CAMKMT: variants seen among roughly 807,000 people sequenced by gnomAD.
The protein encoded by CAMKMT is calmodulin-lysine N-methyltransferase.
CAMKMT carries 53 observed loss-of-function variants against 48.0 expected under a neutral mutation model. The ratio of observed to expected loss-of-function variants is 1.10; its 90% confidence interval spans 0.89 to 1.39. The LOEUF (loss-of-function observed/expected upper bound fraction) is 1.39. Among genes scored for constraint, CAMKMT ranks in the 40% most tolerant of loss-of-function variants. CAMKMT has a pLI of 0.00. For missense variants in CAMKMT, 428 were observed against 402.7 expected (o/e 1.06, Z -0.54); for synonymous variants, 165 against 152.3 (o/e 1.08, Z -0.61).
intron 7 of CAMKMT, among the ~76,000 whole-genome samples, chr2:44,739,133 A>G (rs754807191): frequency 2.6e-5 from 4 of 152,226 alleles, no homozygotes; most frequent in Non-Finnish European, 4.4e-5. Context: ...CTGAGTGAAG[A>G]GAGAAAAGGC....
At chr2:44,528,404 A>G (rs1572722427) in intron 3 of CAMKMT, among the ~76,000 whole-genome samples, 1 of 152,146 alleles carries the variant, frequency 6.6e-6, no homozygotes, top group South Asian at 2.1e-4. Flanking sequence ...CACTTGGCCA[A>G]TCTCTTTTCA....
chr2:44,429,220 G>A (rs1684478596), intron 3 of CAMKMT, among the ~76,000 whole-genome samples: 1 of 151,684 alleles, frequency 6.6e-6, no homozygotes, highest in Non-Finnish European at 1.5e-5. Context: ...AAGCAATGTG[G>A]AATGTGTTTG....
At chr2:44,485,434 T>C (rs1266355504) in intron 3 of CAMKMT, among the ~76,000 whole-genome samples, 3 of 152,200 alleles carry the variant, frequency 2.0e-5, no homozygotes, top group Admixed American at 6.5e-5. Context: ...GAGCAAAAGA[T>C]GACAGACTCA....
At chr2:44,458,649 G>C (rs748208584) in intron 3 of CAMKMT, among the ~76,000 whole-genome samples, 1 of 152,170 alleles carries the variant, frequency 6.6e-6, no homozygotes, top group Non-Finnish European at 1.5e-5. Context: ...AAGGATGCAA[G>C]TGTCAGAATC....
chr2:44,446,489 G>C (rs1667005035), intron 3 of CAMKMT, among the ~76,000 whole-genome samples: 1 of 151,990 alleles, frequency 6.6e-6, no homozygotes, highest in Non-Finnish European at 1.5e-5. Context: ...TGGATTACAG[G>C]TGTGTGCCAC....
At chr2:44,541,525 A>G (rs770392292) in intron 3 of CAMKMT, among the ~76,000 whole-genome samples, 8 of 152,170 alleles carry the variant, frequency 5.3e-5, no homozygotes, top group South Asian at 2.1e-4. Context: ...ATATAATTTT[A>G]TATCCTGCTA....
At chr2:44,737,597 C>G (rs1490816331) in intron 7 of CAMKMT, among the ~76,000 whole-genome samples, 4 of 152,118 alleles carry the variant, frequency 2.6e-5, no homozygotes, top group Non-Finnish European at 5.9e-5. Context: ...ACTCACTATT[C>G]CTGGCCCTGT....
intron 3 of CAMKMT, among the ~76,000 whole-genome samples, chr2:44,680,709 TAA>T (rs1271343880): frequency 1.3e-5 from 2 of 152,150 alleles, no homozygotes; most frequent in Non-Finnish European, 2.9e-5. Flanking sequence ...CACAATGCAT[TAA>T]GACCAGGACT....
chr2:44,651,057 T>C (rs1239442430), intron 3 of CAMKMT, among the ~76,000 whole-genome samples: 1 of 152,234 alleles, frequency 6.6e-6, no homozygotes, highest in Non-Finnish European at 1.5e-5. Flanking sequence ...AAGTGAAGTG[T>C]GACTGATAAA....
At chr2:44,435,774 A>T (rs1177724774) in intron 3 of CAMKMT, among the ~76,000 whole-genome samples, 1 of 152,242 alleles carries the variant, frequency 6.6e-6, no homozygotes, top group East Asian at 1.9e-4. Context: ...ACATAGCAGA[A>T]GGACCTTTTA....
chr2:44,684,355 G>T (rs1022583878), intron 3 of CAMKMT, among the ~76,000 whole-genome samples: 2 of 152,166 alleles, frequency 1.3e-5, no homozygotes, highest in Non-Finnish European at 2.9e-5. Flanking sequence ...GATAATTGTG[G>T]TGTCAAGTTC....
At chr2:44,768,004 CT>C (rs2104408371) in intron 10 of CAMKMT, among the ~76,000 whole-genome samples, 1 of 152,310 alleles carries the variant, frequency 6.6e-6, no homozygotes, top group Admixed American at 6.5e-5. Flanking sequence ...TACCCTCCGT[CT>C]CCTCCCTGAA....
intron 3 of CAMKMT, among the ~76,000 whole-genome samples, chr2:44,481,512 TTC>T (rs1314309783): frequency 6.6e-6 from 1 of 152,062 alleles, no homozygotes; most frequent in Non-Finnish European, 1.5e-5. Flanking sequence ...ATTTTTGCAA[TTC>T]TCTTTCAGAA....
chr2:44,510,832 A>G (rs767215649), intron 3 of CAMKMT, among the ~76,000 whole-genome samples: 13 of 151,752 alleles, frequency 8.6e-5, no homozygotes, highest in Non-Finnish European at 1.6e-4. Flanking sequence ...CGAGTCCCCA[A>G]AGTCCATTAT....
chr2:44,742,543 G>A (rs900449167), intron 7 of CAMKMT, among the ~76,000 whole-genome samples: 4 of 152,184 alleles, frequency 2.6e-5, no homozygotes, highest in African/African-American at 9.7e-5. Flanking sequence ...ACACAGTGAG[G>A]AGTGGCTCAG....
chr2:44,528,397 T>G (rs1381457769), intron 3 of CAMKMT, among the ~76,000 whole-genome samples: 1 of 152,186 alleles, frequency 6.6e-6, no homozygotes, highest in Non-Finnish European at 1.5e-5. Context: ...TTACCAACAC[T>G]TGGCCAATCT....
At chr2:44,543,305 T>C (rs955748253) in intron 3 of CAMKMT, among the ~76,000 whole-genome samples, 16 of 152,216 alleles carry the variant, frequency 1.1e-4, no homozygotes, top group Non-Finnish European at 1.9e-4. Flanking sequence ...ATTTCTGCCG[T>C]GTAAGTGTAG....
chr2:44,561,429 G>T (rs577566240), intron 3 of CAMKMT, among the ~76,000 whole-genome samples: 3 of 151,968 alleles, frequency 2.0e-5, no homozygotes, highest in Non-Finnish European at 4.4e-5. Context: ...AATATATTCT[G>T]AACATACAGT....
chr2:44,676,707 G>A (rs1675711055), intron 3 of CAMKMT: 1 of 152,230 alleles, frequency 6.6e-6, no homozygotes, highest in Non-Finnish European at 1.5e-5. Context: ...GACGGAAGGT[G>A]TTTGGCTAGT....
Sources: allele counts gnomAD v4.1 joint callset (sites outside exome capture counted in the v4.1 genomes callset), GRCh38; gene constraint gnomAD v4.1.1; transcripts MANE v1.5; gene names NCBI Gene and HGNC (gene_info 2026-07-23, HGNC 2026-07-21).